The following COL12A1 variants were observed in gnomAD, a reference collection of about 807,000 sequenced individuals.
COL12A1 encodes the protein collagen alpha-1(XII) chain.
COL12A1 carries 114 observed loss-of-function variants against 349.7 expected under a neutral mutation model. The observed-to-expected ratio is 0.33, with a 90% confidence interval of 0.28 to 0.38. The LOEUF (loss-of-function observed/expected upper bound fraction) is 0.38, where lower values mean the gene tolerates loss of function less well. COL12A1 is among the 10% of genes least tolerant of loss of function. The pLI, the probability that COL12A1 is intolerant of heterozygous loss-of-function variation, is 1.00. For missense variants in COL12A1, 3,284 were observed against 3,756.9 expected, an observed-to-expected ratio of 0.87 and a Z score of 3.29; for synonymous variants, 1,369 against 1,329.0, an observed-to-expected ratio of 1.03 and a Z score of -0.66.
Position 75,151,173 on chromosome 6 carries a change from G to T in COL12A1, c.4115C>A (p.Thr1372Asn). ...ESLSRIVDDLTINLCNSVKGP... is the reference protein window; with the variant it reads ...ESLSRIVDDLNINLCNSVKGP... ...TTTGACACTGTTACACAAATTAATG[G>T]TGAGATCATCCACTATCCTGGAGAG... is the stretch of plus-strand genomic sequence containing the variant. The change falls in exon 21 of 66, where the codon ACC becomes AAC. Residue 1372 changes from threonine to asparagine, a missense_variant. Thr to Asn is a moderately conservative substitution (Grantham distance 65). Coordinates refer to ENST00000322507, the MANE Select transcript of COL12A1 (RefSeq NM_004370.6). 2 of 1,609,682 alleles carry T rather than the reference G, an allele frequency of 1.2e-6. No homozygotes were observed. The highest frequency in any genetic ancestry group is 1.7e-6 in the Non-Finnish European group (2 of 1,177,504).
chr6:75,134,065 C>A, intron 32 of COL12A1, 68 bp from the exon 33 acceptor site: 1 of 1,529,646 alleles, frequency 6.5e-7, no homozygotes. Context: ...CACAGATTCA[C>A]TGATATCTCC....
intron 13 of COL12A1, among the ~76,000 whole-genome samples, chr6:75,169,433 A>G (rs1768507209): frequency 6.6e-6 from 1 of 152,180 alleles, no homozygotes. Flanking sequence ...AAACAGTGGC[A>G]GTGAACAGAA....
At chr6:75,197,932 A>C (rs1770317599) in intron 2 of COL12A1, among the ~76,000 whole-genome samples, 1 of 152,162 alleles carries the variant, frequency 6.6e-6, no homozygotes, top group Admixed American at 6.5e-5. Context: ...TAATAGCTGA[A>C]ACTTGCTGAG....
Position 75,151,949 on chromosome 6 carries a change from G to T in COL12A1, c.3918C>A (p.Leu1306=). ...CGTCTTGTGATTTTCCATCAGTAAT[G>T]AGCACACCAATTTTTCGAGCTCGAG... ...MRPRARKIGV[L]ITDGKSQDDV... The change falls in exon 20 of 66, where the codon CTC becomes CTA. Residue 1306 remains leucine (L), a synonymous_variant. Coordinates refer to ENST00000322507, the MANE Select transcript of COL12A1 (RefSeq NM_004370.6). 6.2e-7 allele frequency: 1 copy of T among 1,613,808 alleles called. No homozygotes were observed. Among genetic ancestry groups the T allele is most frequent in the South Asian group, 1.1e-5 (1 of 91,086 alleles).
intron 31 of COL12A1, among the ~76,000 whole-genome samples, chr6:75,136,731 C>T (rs1390964958): frequency 6.6e-6 from 1 of 152,032 alleles, no homozygotes; most frequent in Non-Finnish European, 1.5e-5. Flanking sequence ...GCTTCCTGAC[C>T]TAGGATAATA....
chr6:75,198,485 T>G (rs985973036), intron 2 of COL12A1, among the ~76,000 whole-genome samples: 4 of 151,364 alleles, frequency 2.6e-5, no homozygotes, highest in African/African-American at 7.3e-5. Context: ...TGTAATATTG[T>G]TATTACATAT....
At position 75,148,449 on chromosome 6, in the gene COL12A1, C is replaced by G; in HGVS notation, c.4196G>C (p.Arg1399Pro). Residue 1399 changes from arginine to proline, a missense_variant, in exon 22 of 66, where the codon CGT (arginine) becomes CCT (proline). Arg to Pro is a moderately radical substitution (Grantham distance 103). Transcript: ENST00000322507. ...SNLVISERTHRSFRVSWTPPS... is the reference protein window; with the variant it reads ...SNLVISERTHPSFRVSWTPPS... ...TGGTGTCCAGCTCACTCTAAAAGAACGATGGGTTCGCTCAGAAATAACTAA... is the reference window on the plus strand; with the variant it reads ...TGGTGTCCAGCTCACTCTAAAAGAAGGATGGGTTCGCTCAGAAATAACTAA... The G allele has an allele frequency of 6.2e-7, 1 of 1,613,434 alleles. No individual in the cohort carries two copies. The highest frequency in any genetic ancestry group is 8.5e-7 in the Non-Finnish European group (1 of 1,179,514).
At position 75,188,415 on chromosome 6, in the gene COL12A1, T is replaced by G; in HGVS notation, c.944A>C (p.Gln315Pro). The change falls in exon 8 of 66, where the codon CAG becomes CCG. Residue 315 changes from glutamine (Q) to proline (P), a missense_variant. Transcript: ENST00000322507. ...IVDIQNEIIS[Q>P]VCSGVDEQLG... ...TTGTTCATCAACACCTGAGCACACC[T>G]GGGAGATGATCTCATTCTGAATATC... 6.2e-7 allele frequency: 1 copy of G among 1,613,674 alleles called. No individual in the cohort carries two copies. The highest frequency in any genetic ancestry group is 1.1e-5 in the South Asian group (1 of 91,068).
chr6:75,130,165 C>T lies in COL12A1; in HGVS notation c.6136G>A (p.Asp2046Asn), dbSNP rs1350175616. Residue 2046 changes from aspartate (D) to asparagine (N), a missense_variant, in exon 37 of 66, where the codon GAT (aspartate) becomes AAT (asparagine). Physicochemically the swap from Asp to Asn is conservative, Grantham distance 23. Transcript: ENST00000322507. ...ETTNSLSVAW[D>N]HADGPVQQYR... The stretch of plus-strand genomic sequence containing the variant: ...TGCTGAACTGGCCCATCAGCATGAT[C>T]CCAGGCTACCGAGAGGCTATTGGTT... 4 of 1,614,076 alleles carry T rather than the reference C, an allele frequency of 2.5e-6. No homozygotes were observed. Among genetic ancestry groups the T allele is most frequent in the Non-Finnish European group, 3.4e-6 (4 of 1,179,962 alleles).
At chr6:75,122,374 C>T (rs1345358499) in intron 43 of COL12A1, among the ~76,000 whole-genome samples, 6 of 152,146 alleles carry the variant, frequency 3.9e-5, no homozygotes, top group African/African-American at 7.2e-5. Context: ...TTGTAACAAA[C>T]GTACCACTCA....
intron 11 of COL12A1, among the ~76,000 whole-genome samples, chr6:75,179,462 C>T (rs1582188453): frequency 6.7e-6 from 1 of 149,946 alleles, no homozygotes; most frequent in African/African-American, 2.5e-5. Context: ...CTTATATGAC[C>T]ACAAGTCATA....
At position 75,191,773 on chromosome 6, in the gene COL12A1, T is replaced by G; in HGVS notation, c.335-13A>C. 1 of 1,559,512 alleles carries G rather than the reference T, an allele frequency of 6.4e-7. No homozygotes were observed. Among genetic ancestry groups the G allele is most frequent in the South Asian group, 1.2e-5 (1 of 82,378 alleles). On this transcript the variant is annotated splice_polypyrimidine_tract_variant and intron_variant, in intron 4 of 65. Transcript: ENST00000322507. ...CTACCTGTTTGAACTAAGTTAAAAC[T>G]TTATTATTACAAAAGGAAATGAACC...
At chr6:75,185,711 A>G (rs544197509) in intron 8 of COL12A1, among the ~76,000 whole-genome samples, 1 of 152,338 alleles carries the variant, frequency 6.6e-6, no homozygotes, top group Admixed American at 6.5e-5. Flanking sequence ...ATCTGACTTC[A>G]AATTATGCTA....
At chr6:75,092,913 C>G (rs1767843151) in intron 60 of COL12A1, among the ~76,000 whole-genome samples, 1 of 152,166 alleles carries the variant, frequency 6.6e-6, no homozygotes, top group African/African-American at 2.4e-5. Context: ...CTTTGGTACC[C>G]AGACCTGTTG....
chr6:75,171,745 A>G (rs572729890), intron 13 of COL12A1, among the ~76,000 whole-genome samples: 2 of 152,310 alleles, frequency 1.3e-5, no homozygotes, highest in South Asian at 4.1e-4. Flanking sequence ...CTATTCCTGT[A>G]TATGGTATGT....
chr6:75,162,392 A>C (rs1202933288), intron 14 of COL12A1, among the ~76,000 whole-genome samples: 2 of 152,218 alleles, frequency 1.3e-5, no homozygotes, highest in Admixed American at 1.3e-4. Context: ...CAAATCTGAC[A>C]AAAACAAGCA....
At position 75,117,556 on chromosome 6, in the gene COL12A1, A is replaced by G. The variant is rs1269942279; in HGVS notation, c.7355-10T>C. On this transcript the variant is annotated splice_polypyrimidine_tract_variant and intron_variant, in intron 46 of 65. Coordinates refer to ENST00000322507, the MANE Select transcript of COL12A1 (RefSeq NM_004370.6). ...ACAAAGACACTGAACCCTGCAAAGT[A>G]GCATTTATAGAATGAATCACGTATC... 6.2e-7 allele frequency: 1 copy of G among 1,607,072 alleles called. No homozygotes were observed.
At chr6:75,124,723 T>C (rs1162219184) in intron 40 of COL12A1, among the ~76,000 whole-genome samples, 3 of 152,160 alleles carry the variant, frequency 2.0e-5, no homozygotes, top group Admixed American at 2.0e-4. Flanking sequence ...ATCTGTGGAC[T>C]GAATCACACT....
chr6:75,182,940 T>A, intron 10 of COL12A1, 110 bp downstream of exon 10: 1 of 1,326,860 alleles, frequency 7.5e-7, no homozygotes. Context: ...CATAGGAAAG[T>A]TACTTTTTCG....
Sources: gnomAD v4.1 joint callset for allele counts (sites outside exome capture counted in the v4.1 genomes callset) on GRCh38, gnomAD v4.1.1 for gene constraint, MANE v1.5 for transcripts, NCBI Gene and HGNC (gene_info 2026-07-23, HGNC 2026-07-21) for gene names.